LAMA3: variants seen among roughly 807,000 people sequenced by gnomAD.
LAMA3 encodes laminin subunit alpha 3, also known as laminin subunit alpha-3.
A neutral mutation model predicts 402.0 loss-of-function variants in LAMA3; 281 were observed. The observed-to-expected ratio is 0.70, with a 90% confidence interval of 0.63 to 0.77. The LOEUF (loss-of-function observed/expected upper bound fraction) is 0.77, where lower values mean the gene tolerates loss of function less well. Ranked by LOEUF, LAMA3 falls within the 30% of genes least tolerant of loss-of-function variation. The probability of loss-of-function intolerance (pLI) is 0.00; values close to 1 mark genes in which losing one functional copy is unlikely to be tolerated. For missense variants in LAMA3, 3,840 were observed against 4,215.5 expected (o/e 0.91, Z 2.47); for synonymous variants, 1,431 against 1,558.4 (o/e 0.92, Z 1.93).
chr18:23,784,197 C>T, intron 12 of LAMA3, 40 bp downstream of exon 12: 2 of 1,612,352 alleles, frequency 1.2e-6, no homozygotes, highest in Non-Finnish European at 1.7e-6. Flanking sequence ...ATCAATCCCT[C>T]AAGATAAATT....
chr18:23,899,566 A>G, intron 47 of LAMA3, 111 bp downstream of exon 47: 1 of 1,091,220 alleles, frequency 9.2e-7, no homozygotes, highest in South Asian at 1.3e-5. Context: ...TCATGGTTTC[A>G]GCGAATATTA....
intron 2 of LAMA3, among the ~76,000 whole-genome samples, chr18:23,728,942 A>C (rs1478719953): frequency 6.6e-6 from 1 of 150,790 alleles, no homozygotes; most frequent in Non-Finnish European, 1.5e-5. Context: ...GAGACGGGGT[A>C]ATCGCTTGAA....
At position 23,842,519 on chromosome 18, in the gene LAMA3, C is replaced by T. The variant is rs774892817; in HGVS notation, c.3461C>T (p.Ala1154Val). Reference protein sequence around the residue: ...QVSVDGGWPRAGSFHASFCPH... With the variant: ...QVSVDGGWPRVGSFHASFCPH... Reference sequence around the variant, plus strand: ...TCGGTGGATGGCGGGTGGCCACGGGCAGGTGAGCTGCAGTGAGCAGGCCCT... The same window carrying T: ...TCGGTGGATGGCGGGTGGCCACGGGTAGGTGAGCTGCAGTGAGCAGGCCCT... Residue 1154 changes from alanine to valine, a missense_variant and splice_region_variant, in exon 28 of 75, where the codon GCA becomes GTA. This residue lies in a region of LAMA3 where 2,109 missense variants were observed against 2,376.0 expected (regional missense o/e 0.89). Coordinates refer to ENST00000313654, the MANE Select transcript of LAMA3 (RefSeq NM_198129.4). 1 of 1,614,096 alleles carries T rather than the reference C, an allele frequency of 6.2e-7. No individual in the cohort carries two copies. Among genetic ancestry groups the T allele is most frequent in the East Asian group, 2.2e-5 (1 of 44,888 alleles).
intron 64 of LAMA3, among the ~76,000 whole-genome samples, chr18:23,929,300 A>C (rs989644252): frequency 1.3e-5 from 2 of 152,252 alleles, no homozygotes; most frequent in African/African-American, 4.8e-5. Flanking sequence ...AGGAGATACC[A>C]TCTGTAACTT....
chr18:23,746,779 TAAAGGGGGTCCTGAGACCAA>T (rs2061658733), intron 2 of LAMA3, among the ~76,000 whole-genome samples: 1 of 151,838 alleles, frequency 6.6e-6, no homozygotes, highest in Admixed American at 6.6e-5. Flanking sequence ...TTTAAAAATA[TAAAGGGGGTCCTGAGACCAA>T]AAAGTTTGAG....
chr18:23,861,105 C>T (rs1161409736), intron 34 of LAMA3, among the ~76,000 whole-genome samples: 6 of 152,088 alleles, frequency 3.9e-5, no homozygotes, highest in Non-Finnish European at 5.9e-5. Context: ...TGTAAATCTG[C>T]TCTGAAGTCT....
chr18:23,705,015 C>G (rs1240843965), intron 1 of LAMA3, among the ~76,000 whole-genome samples: 2 of 152,186 alleles, frequency 1.3e-5, no homozygotes, highest in African/African-American at 4.8e-5. Flanking sequence ...GGGAACAGTC[C>G]TATCTCCTTT....
chr18:23,690,013 T>G, intron 1 of LAMA3, 36 bp downstream of exon 1: 7 of 1,360,832 alleles, frequency 5.1e-6, no homozygotes, highest in Non-Finnish European at 5.8e-6. Context: ...TGGGCGCGCC[T>G]TTTCCTTCCC....
At chr18:23,807,809 T>A (rs2062992250) in intron 12 of LAMA3, among the ~76,000 whole-genome samples, 1 of 152,208 alleles carries the variant, frequency 6.6e-6, no homozygotes, top group Admixed American at 6.5e-5. Flanking sequence ...CACAGCACCA[T>A]CTAGACTAGT....
At chr18:23,717,758 A>G (rs1273250443) in intron 2 of LAMA3, among the ~76,000 whole-genome samples, 1 of 131,756 alleles carries the variant, frequency 7.6e-6, no homozygotes, top group Non-Finnish European at 1.5e-5. Flanking sequence ...TTTAGTAGAG[A>G]CAGGGTTTCA....
chr18:23,772,273 C>G (rs1286568211), intron 8 of LAMA3, among the ~76,000 whole-genome samples: 1 of 152,172 alleles, frequency 6.6e-6, no homozygotes, highest in Non-Finnish European at 1.5e-5. Context: ...AACTCCTGAC[C>G]TTGTGACCCA....
chr18:23,865,530 T>C (rs1051241728), intron 36 of LAMA3, among the ~76,000 whole-genome samples: 5 of 152,234 alleles, frequency 3.3e-5, no homozygotes, highest in Admixed American at 2.0e-4. Flanking sequence ...TGTTGGACTC[T>C]GTAAAGGACA....
rs141466075 is a variant in LAMA3, at chr18:23,742,650, ATG to A, written c.448-5265_448-5264del. Among the ~76,000 whole-genome samples the A allele has an allele frequency of 7.7e-3, 1,138 of 147,930 alleles. 16 individuals carry two copies. The highest frequency in any genetic ancestry group is 0.022 in the African/African-American group (902 of 40,388). ...GTAACTTCCTTTCAAAGAATCAAAA[ATG>A]TGTGTGTGTGTGTGTGTGTGTGTGT... On this transcript the variant is annotated intron_variant, in intron 2 of 74. Transcript: ENST00000313654.
chr18:23,749,889 C>T (rs992534655), intron 4 of LAMA3, among the ~76,000 whole-genome samples: 11 of 152,090 alleles, frequency 7.2e-5, no homozygotes, highest in African/African-American at 2.2e-4. Flanking sequence ...CATGATACCC[C>T]GTAAGAGTGA....
chr18:23,872,432 A>C (rs2064554294), intron 38 of LAMA3, among the ~76,000 whole-genome samples: 1 of 152,228 alleles, frequency 6.6e-6, no homozygotes, highest in Admixed American at 6.5e-5. Context: ...CAACGTTAGC[A>C]TGATTAATAA....
chr18:23,692,178 T>C (rs1450852035), intron 1 of LAMA3, among the ~76,000 whole-genome samples: 1 of 152,250 alleles, frequency 6.6e-6, no homozygotes, highest in African/African-American at 2.4e-5. Context: ...TCGGTTAGCC[T>C]AAAAATTTTT....
chr18:23,725,876 A>G (rs1447964276), intron 2 of LAMA3, among the ~76,000 whole-genome samples: 1 of 152,232 alleles, frequency 6.6e-6, no homozygotes, highest in African/African-American at 2.4e-5. Context: ...CACAAATGCA[A>G]ACATTCTATG....
chr18:23,777,229 T>C (rs1598770830), intron 10 of LAMA3, among the ~76,000 whole-genome samples: 1 of 149,490 alleles, frequency 6.7e-6, no homozygotes, highest in Admixed American at 6.8e-5. Context: ...AGAAAATATT[T>C]CTTTAAAGCT....
intron 2 of LAMA3, among the ~76,000 whole-genome samples, chr18:23,740,661 G>T (rs2061546788): frequency 6.6e-6 from 1 of 152,120 alleles, no homozygotes; most frequent in Non-Finnish European, 1.5e-5. Context: ...TTCTGGGCAG[G>T]CTGCCATGTG....
Sources: gnomAD v4.1 joint callset for allele counts (sites outside exome capture counted in the v4.1 genomes callset) on GRCh38, gnomAD v4.1.1 for gene constraint, gnomAD v4.1.1 regional missense constraint, MANE v1.5 for transcripts, NCBI Gene and HGNC (gene_info 2026-07-23, HGNC 2026-07-21) for gene names.